The following LOC400499 variants were observed in gnomAD, a reference collection of about 807,000 sequenced individuals.
chr16:11,478,384 C>T, the LOC400499 span: 13 of 396,952 alleles, frequency 3.3e-5, no homozygotes, highest in African/African-American at 1.2e-4. Context: ...AAACTAAGGC[C>T]GTGGTAAGTG....
chr16:11,426,980 A>G, the LOC400499 span, among the ~76,000 whole-genome samples: 4 of 148,578 alleles, frequency 2.7e-5, no homozygotes, highest in Non-Finnish European at 5.9e-5. Flanking sequence ...ACAAATCAAT[A>G]AAAGACAAAC....
chr16:11,390,751 T>G, the LOC400499 span, among the ~76,000 whole-genome samples: 18 of 152,010 alleles, frequency 1.2e-4, no homozygotes, highest in African/African-American at 4.4e-4. Flanking sequence ...TCTGAACTGT[T>G]TGTACAAACG....
the LOC400499 span, chr16:11,392,410 G>A: frequency 5.0e-6 from 2 of 398,874 alleles, no homozygotes; most frequent in South Asian, 1.3e-4. Flanking sequence ...CCAGCGGCTG[G>A]GAGGGCTGCC....
At chr16:11,376,236 G>GGT in the LOC400499 span, among the ~76,000 whole-genome samples, 1 of 152,218 alleles carries the variant, frequency 6.6e-6, no homozygotes, top group East Asian at 1.9e-4. Context: ...TTGTGCCTTT[G>GGT]GTGTCATATG....
At chr16:11,374,849 A>AT in the LOC400499 span, among the ~76,000 whole-genome samples, 3 of 152,088 alleles carry the variant, frequency 2.0e-5, no homozygotes. Flanking sequence ...GCTGGATTGT[A>AT]TGGTAACTCT....
the LOC400499 span, among the ~76,000 whole-genome samples, chr16:11,500,322 A>G: frequency 1.7e-4 from 26 of 152,074 alleles, no homozygotes; most frequent in Non-Finnish European, 3.4e-4. Flanking sequence ...AGCCTGGCCA[A>G]CATGGCGAAA....
the LOC400499 span, among the ~76,000 whole-genome samples, chr16:11,511,862 AC>A: frequency 6.6e-6 from 1 of 152,128 alleles, no homozygotes; most frequent in Non-Finnish European, 1.5e-5. Context: ...CCCGATTTCT[AC>A]AAAAAATTTA....
At chr16:11,457,967 C>T in the LOC400499 span, among the ~76,000 whole-genome samples, 43 of 152,112 alleles carry the variant, frequency 2.8e-4, no homozygotes, top group Non-Finnish European at 2.9e-4. Context: ...TATGGGAGGC[C>T]GAGGCAGGTG....
chr16:11,397,220 G>T, the LOC400499 span, among the ~76,000 whole-genome samples: 2 of 152,192 alleles, frequency 1.3e-5, no homozygotes, highest in East Asian at 3.9e-4. Context: ...CAGAGGAAAA[G>T]ATAAGGGGTG....
At chr16:11,413,683 T>C in the LOC400499 span, among the ~76,000 whole-genome samples, 1 of 152,226 alleles carries the variant, frequency 6.6e-6, no homozygotes, top group African/African-American at 2.4e-5. Context: ...CCAGAGATGA[T>C]GATGATGACG....
chr16:11,429,269 C>T, the LOC400499 span, among the ~76,000 whole-genome samples: 1 of 152,228 alleles, frequency 6.6e-6, no homozygotes, highest in Admixed American at 6.5e-5. Context: ...AGCAGCTCCC[C>T]CCTCTTTCTC....
the LOC400499 span, chr16:11,391,837 C>G: frequency 8.1e-7 from 1 of 1,232,046 alleles, no homozygotes; most frequent in East Asian, 3.2e-5. Context: ...CCTGCCACGC[C>G]GTCCAGGGTG....
the LOC400499 span, among the ~76,000 whole-genome samples, chr16:11,459,188 ATTTTTTTTTTTTTTT>A: frequency 1.7e-5 from 2 of 119,892 alleles, no homozygotes; most frequent in African/African-American, 7.1e-5. Context: ...TCCTAAACCA[ATTTTTTTTTTTTTTT>A]TTTTTTTTTT....
At chr16:11,394,048 A>G in the LOC400499 span, among the ~76,000 whole-genome samples, 1 of 152,190 alleles carries the variant, frequency 6.6e-6, no homozygotes, top group Non-Finnish European at 1.5e-5. Context: ...GGCCCCACCC[A>G]GACACTCTGA....
At chr16:11,390,508 C>T in the LOC400499 span, 28 of 1,227,974 alleles carry the variant, frequency 2.3e-5, no homozygotes, top group Non-Finnish European at 2.6e-5. Flanking sequence ...CAGGGCAGGT[C>T]AGAGAACCAG....
chr16:11,473,116 A>AAAATAAATAAATAAATAAATAAAT, the LOC400499 span: 53 of 148,302 alleles, frequency 3.6e-4, no homozygotes, highest in African/African-American at 1.1e-3. Context: ...ACGCTATCTC[A>AAAATAAATAAATAAATAAATAAAT]AAATAAATAA....
the LOC400499 span, among the ~76,000 whole-genome samples, chr16:11,478,335 T>C: frequency 6.6e-6 from 1 of 151,950 alleles, no homozygotes; most frequent in Admixed American, 6.5e-5. Flanking sequence ...ACCAGATATT[T>C]TGTTATTTTT....
At chr16:11,449,201 C>T in the LOC400499 span, 1 of 1,123,156 alleles carries the variant, frequency 8.9e-7, no homozygotes, top group Non-Finnish European at 1.2e-6. Flanking sequence ...TGGTGAACTC[C>T]TCTTCATCCC....
At chr16:11,402,101 G>A in the LOC400499 span, 5 of 399,058 alleles carry the variant, frequency 1.3e-5, no homozygotes, top group African/African-American at 8.2e-5. Context: ...ATGCTCTGAG[G>A]ACAGGCGGAG....
Sources: gnomAD v4.1 joint callset for allele counts (sites outside exome capture counted in the v4.1 genomes callset) on GRCh38, gnomAD v4.1.1 for gene constraint, MANE v1.5 for transcripts.